The following EFCAB6 variants were observed in gnomAD, a reference collection of about 807,000 sequenced individuals.
EFCAB6 encodes EF-hand calcium-binding domain-containing protein 6.
EFCAB6 carries 156 observed loss-of-function variants against 169.8 expected under a neutral mutation model. That is an observed-to-expected ratio of 0.92 (90% confidence interval 0.81 to 1.05). The LOEUF (loss-of-function observed/expected upper bound fraction) is 1.05. EFCAB6 is among the 50% of genes least tolerant of loss of function. The pLI, the probability that EFCAB6 is intolerant of heterozygous loss-of-function variation, is 0.00. For synonymous variants in EFCAB6, 698 were observed against 676.4 expected (o/e 1.03, Z -0.50); for missense variants, 1,800 against 1,829.1 (o/e 0.98, Z 0.29).
intron 21 of EFCAB6, among the ~76,000 whole-genome samples, chr22:43,610,012 G>C (rs1297473605): frequency 3.3e-5 from 5 of 152,166 alleles, no homozygotes; most frequent in Admixed American, 3.3e-4. Flanking sequence ...CTGGGTCCCT[G>C]CCTCACCACA....
chr22:43,565,063 C>T (rs375470109), intron 26 of EFCAB6, among the ~76,000 whole-genome samples: 16 of 152,324 alleles, frequency 1.1e-4, no homozygotes, highest in East Asian at 3.9e-4. Flanking sequence ...AGTATTTCCC[C>T]GCCCCTTGGC....
At chr22:43,750,031 A>G (rs1222395513) in intron 6 of EFCAB6, among the ~76,000 whole-genome samples, 1 of 152,156 alleles carries the variant, frequency 6.6e-6, no homozygotes, top group Non-Finnish European at 1.5e-5. Flanking sequence ...CTAAGGCCAG[A>G]GCTCCAGACT....
chr22:43,570,580 A>G (rs5764458), intron 26 of EFCAB6, among the ~76,000 whole-genome samples: 35,419 of 150,778 alleles, frequency 0.23, 5,366 homozygotes, highest in East Asian at 0.62. Context: ...GAATCTCATG[A>G]GAAGGTGTGT....
intron 2 of EFCAB6, among the ~76,000 whole-genome samples, chr22:43,790,894 T>C (rs2062261556): frequency 6.6e-6 from 1 of 152,206 alleles, no homozygotes; most frequent in African/African-American, 2.4e-5. Flanking sequence ...CATCATACTC[T>C]GGTAGATTTG....
chr22:43,802,806 C>T (rs1174098260), intron 2 of EFCAB6: 7 of 484,602 alleles, frequency 1.4e-5, no homozygotes, highest in South Asian at 7.7e-5. Context: ...AACTGTGTAC[C>T]TCTGATGACT....
intron 23 of EFCAB6, among the ~76,000 whole-genome samples, chr22:43,598,871 C>A (rs2052262738): frequency 6.6e-6 from 1 of 152,140 alleles, no homozygotes; most frequent in Non-Finnish European, 1.5e-5. Flanking sequence ...ATACCGATTA[C>A]CCTGATTTGA....
At chr22:43,786,887 T>C (rs920967927) in intron 2 of EFCAB6, among the ~76,000 whole-genome samples, 2 of 152,044 alleles carry the variant, frequency 1.3e-5, no homozygotes, top group East Asian at 3.8e-4. Flanking sequence ...ATGCTAGGAA[T>C]GCAAGAGAGG....
chr22:43,656,111 C>T (rs1256159972), intron 17 of EFCAB6, among the ~76,000 whole-genome samples: 2 of 152,116 alleles, frequency 1.3e-5, no homozygotes, highest in Non-Finnish European at 2.9e-5. Flanking sequence ...TGGTAAGGGG[C>T]CGGGTGCAGT....
At chr22:43,611,897 T>C (rs141391873) in intron 21 of EFCAB6, among the ~76,000 whole-genome samples, 152 of 152,222 alleles carry the variant, frequency 1.0e-3, no homozygotes, top group Middle Eastern at 3.4e-3. Context: ...GGCATCAAGT[T>C]ACCCAATTAA....
At chr22:43,545,980 T>A (rs1238017400) in intron 27 of EFCAB6, among the ~76,000 whole-genome samples, 1 of 151,928 alleles carries the variant, frequency 6.6e-6, no homozygotes, top group Non-Finnish European at 1.5e-5. Context: ...TAAACATGAG[T>A]TGGCAAAAAC....
chr22:43,609,132 T>C (rs1255474496), intron 21 of EFCAB6, among the ~76,000 whole-genome samples: 1 of 152,202 alleles, frequency 6.6e-6, no homozygotes, highest in African/African-American at 2.4e-5. Flanking sequence ...CTTTAGTTGT[T>C]TCCAAGTAAT....
intron 17 of EFCAB6, among the ~76,000 whole-genome samples, chr22:43,637,093 T>C (rs1040017409): frequency 6.6e-6 from 1 of 152,178 alleles, no homozygotes; most frequent in Non-Finnish European, 1.5e-5. Context: ...AAATCCAGTC[T>C]GAGCCTTTGT....
chr22:43,612,914 T>TA (rs1357868689), intron 21 of EFCAB6, among the ~76,000 whole-genome samples: 987 of 86,458 alleles, frequency 0.011, 16 homozygotes, highest in African/African-American at 0.039. Flanking sequence ...AAAAAAAAAG[T>TA]AAAAAAAAAC....
At chr22:43,786,008 G>A (rs1438616889) in intron 2 of EFCAB6, among the ~76,000 whole-genome samples, 3 of 152,158 alleles carry the variant, frequency 2.0e-5, no homozygotes, top group Non-Finnish European at 2.9e-5. Context: ...AAAACTTCCT[G>A]CAAAAGAAGT....
chr22:43,616,756 CCACAGTAAAG>C (rs1205008123), intron 20 of EFCAB6, among the ~76,000 whole-genome samples: 1 of 152,160 alleles, frequency 6.6e-6, no homozygotes, highest in African/African-American at 2.4e-5. Context: ...CCCTGCTAGG[CCACAGTAAAG>C]CACAGTAAAG....
intron 8 of EFCAB6, among the ~76,000 whole-genome samples, chr22:43,720,639 G>A (rs2059489326): frequency 6.6e-6 from 1 of 151,490 alleles, no homozygotes; most frequent in Non-Finnish European, 1.5e-5. Context: ...GAGAGAGGGA[G>A]GAAAAGAGAG....
intron 2 of EFCAB6, among the ~76,000 whole-genome samples, chr22:43,787,725 A>C (rs1182461026): frequency 1.3e-5 from 2 of 152,188 alleles, no homozygotes; most frequent in Non-Finnish European, 2.9e-5. Context: ...GAAATTGACA[A>C]GTTGGTATTG....
rs372591715 is a variant in EFCAB6, at chr22:43,782,402, C to T, written c.-7-77G>A. 6.3e-5 allele frequency: 84 copies of T among 1,334,284 alleles called. 1 individual carries two copies. Among genetic ancestry groups the T allele is most frequent in the South Asian group, 6.2e-4 (46 of 74,462 alleles). The allele number at this position is 1,334,284 out of a possible 1,614,324, so 82.7% of individuals were successfully genotyped here. ...AATGTGGCCAATTTCCTATCTATTCCTTTTCTGAAGGGACAGCTGCAGAGT... is the reference window on the plus strand; with the variant it reads ...AATGTGGCCAATTTCCTATCTATTCTTTTTCTGAAGGGACAGCTGCAGAGT... On this transcript the variant is annotated intron_variant, in intron 2 of 31. Coordinates refer to ENST00000262726, the MANE Select transcript of EFCAB6 (RefSeq NM_022785.4).
intron 28 of EFCAB6, among the ~76,000 whole-genome samples, chr22:43,539,439 T>G (rs1409439290): frequency 6.6e-6 from 1 of 152,188 alleles, no homozygotes; most frequent in Admixed American, 6.5e-5. Flanking sequence ...TGCAATAAAC[T>G]TGCATGGAGT....
Sources: allele counts gnomAD v4.1 joint callset (sites outside exome capture counted in the v4.1 genomes callset), GRCh38; gene constraint gnomAD v4.1.1; transcripts MANE v1.5; gene names NCBI Gene and HGNC (gene_info 2026-07-23, HGNC 2026-07-21).